SEMA6D: variants seen among roughly 807,000 people sequenced by gnomAD.
The protein encoded by SEMA6D is semaphorin-6D.
Under a neutral mutation model 106.6 loss-of-function variants are expected in SEMA6D, and 35 were observed. The observed-to-expected ratio is 0.33, with a 90% CI of 0.25 to 0.44. SEMA6D has a LOEUF of 0.44. SEMA6D is among the 20% of genes least tolerant of loss of function. SEMA6D has a pLI of 1.00. For missense variants in SEMA6D, 1,185 were observed against 1,345.9 expected, an observed-to-expected ratio of 0.88 and a Z score of 1.87; for synonymous variants, 499 against 487.7, an observed-to-expected ratio of 1.02 and a Z score of -0.31.
chr15:47,434,499 A>G (rs2041640111), intron 2 of SEMA6D, among the ~76,000 whole-genome samples: 3 of 151,944 alleles, frequency 2.0e-5, no homozygotes, highest in Non-Finnish European at 4.4e-5. Context: ...CTATCCTGAC[A>G]GTTTTCTGCT....
At chr15:47,631,116 G>A (rs906931560) in intron 4 of SEMA6D, among the ~76,000 whole-genome samples, 14 of 151,814 alleles carry the variant, frequency 9.2e-5, no homozygotes, top group Non-Finnish European at 1.9e-4. Context: ...TCATAAACAA[G>A]TGGTGATGTG....
intron 1 of SEMA6D, among the ~76,000 whole-genome samples, chr15:47,330,352 T>A (rs2037295298): frequency 6.6e-6 from 1 of 152,196 alleles, no homozygotes; most frequent in South Asian, 2.1e-4. Context: ...ATGCACTATC[T>A]CCTAGAAGGG....
At chr15:47,341,532 A>G (rs1448175409) in intron 1 of SEMA6D, among the ~76,000 whole-genome samples, 2 of 152,204 alleles carry the variant, frequency 1.3e-5, no homozygotes, top group Non-Finnish European at 2.9e-5. Context: ...ATGATTGTGG[A>G]CAGATTGTAT....
chr15:47,206,048 T>C (rs1475185439), intron 1 of SEMA6D, among the ~76,000 whole-genome samples: 1 of 152,202 alleles, frequency 6.6e-6, no homozygotes, highest in East Asian at 1.9e-4. Context: ...AGGCTCTTCA[T>C]TAGTTTCCTT....
At chr15:47,521,501 G>A (rs182560138) in intron 3 of SEMA6D, among the ~76,000 whole-genome samples, 162 of 152,226 alleles carry the variant, frequency 1.1e-3, no homozygotes, top group African/African-American at 3.8e-3. Context: ...CACATGGCAG[G>A]TATTGAACAA....
chr15:47,615,436 T>C (rs1419894438), intron 4 of SEMA6D, among the ~76,000 whole-genome samples: 2 of 152,234 alleles, frequency 1.3e-5, no homozygotes, highest in Admixed American at 6.5e-5. Context: ...TCCATGACTC[T>C]AGTTTTCTCA....
At chr15:47,739,708 T>G (rs964980136) in intron 1 of SEMA6D, among the ~76,000 whole-genome samples, 4 of 152,180 alleles carry the variant, frequency 2.6e-5, no homozygotes, top group Non-Finnish European at 5.9e-5. Context: ...TGAACTGCAG[T>G]TTCTTGGTCC....
intron 4 of SEMA6D, among the ~76,000 whole-genome samples, chr15:47,637,479 T>C (rs1163215076): frequency 1.3e-5 from 2 of 152,106 alleles, no homozygotes; most frequent in Non-Finnish European, 2.9e-5. Flanking sequence ...TTTTCTAGCG[T>C]ATCAATCAAT....
chr15:47,555,467 C>A (rs1314672757), intron 3 of SEMA6D, among the ~76,000 whole-genome samples: 2 of 152,148 alleles, frequency 1.3e-5, no homozygotes, highest in Non-Finnish European at 2.9e-5. Context: ...TTAATAACTT[C>A]TTGTTTTAAC....
chr15:47,634,643 T>A (rs1200611309), intron 4 of SEMA6D, among the ~76,000 whole-genome samples: 1 of 152,146 alleles, frequency 6.6e-6, no homozygotes, highest in African/African-American at 2.4e-5. Flanking sequence ...GCTTATTCAG[T>A]GTCATTGTTT....
At chr15:47,385,844 A>G (rs536078881) in intron 1 of SEMA6D, among the ~76,000 whole-genome samples, 45 of 152,366 alleles carry the variant, frequency 3.0e-4, no homozygotes, top group African/African-American at 1.1e-3. Flanking sequence ...TGAGCTACCT[A>G]GCACTTATTA....
chr15:47,205,339 A>G (rs1894988244), intron 1 of SEMA6D, among the ~76,000 whole-genome samples: 3 of 152,188 alleles, frequency 2.0e-5, no homozygotes, highest in Non-Finnish European at 4.4e-5. Context: ...TCTTTGAGAA[A>G]GTGAACCCTT....
chr15:47,768,475 A>G (rs1196808383), intron 17 of SEMA6D, 106 bp from the exon 18 acceptor site: 4 of 1,008,842 alleles, frequency 4.0e-6, no homozygotes, highest in Non-Finnish European at 5.5e-6. Context: ...ATCCTAGAGC[A>G]AACTTTCTCA....
chr15:47,437,095 G>C (rs2041741650), intron 2 of SEMA6D, among the ~76,000 whole-genome samples: 1 of 151,536 alleles, frequency 6.6e-6, no homozygotes, highest in Admixed American at 6.6e-5. Flanking sequence ...AGGATGGTTT[G>C]GTTGTCTGTC....
chr15:47,502,627 A>C (rs2141625022), intron 3 of SEMA6D, among the ~76,000 whole-genome samples: 1 of 152,352 alleles, frequency 6.6e-6, no homozygotes, highest in East Asian at 1.9e-4. Context: ...GGCATGTCAT[A>C]TCATCTTTGA....
chr15:47,561,368 C>A (rs1299572338), intron 3 of SEMA6D, among the ~76,000 whole-genome samples: 1 of 151,968 alleles, frequency 6.6e-6, no homozygotes, highest in Non-Finnish European at 1.5e-5. Context: ...TCAACCAAAT[C>A]TTCTATATCC....
intron 1 of SEMA6D, among the ~76,000 whole-genome samples, chr15:47,265,819 G>A (rs1316710282): frequency 6.6e-6 from 1 of 152,028 alleles, no homozygotes; most frequent in Non-Finnish European, 1.5e-5. Context: ...GATTATTTTA[G>A]TGACATCTGT....
At chr15:47,279,424 G>A (rs1201260311) in intron 1 of SEMA6D, among the ~76,000 whole-genome samples, 3 of 144,350 alleles carry the variant, frequency 2.1e-5, no homozygotes. Context: ...AGGAGATTTT[G>A]GGCTGAGACA....
At chr15:47,215,685 A>G (rs1247055369) in intron 1 of SEMA6D, among the ~76,000 whole-genome samples, 2 of 152,174 alleles carry the variant, frequency 1.3e-5, no homozygotes, top group African/African-American at 4.8e-5. Context: ...ACAAAATTTC[A>G]AAACTGATGG....
Sources: gnomAD v4.1 joint callset for allele counts (sites outside exome capture counted in the v4.1 genomes callset) on GRCh38, gnomAD v4.1.1 for gene constraint, MANE v1.5 for transcripts, NCBI Gene and HGNC (gene_info 2026-07-23, HGNC 2026-07-21) for gene names.